The following ARHGEF28 variants were observed in gnomAD, a reference collection of about 807,000 sequenced individuals.
ARHGEF28 encodes the protein Rho guanine nucleotide exchange factor 28, also known as 190 kDa guanine nucleotide exchange factor.
A neutral mutation model predicts 206.6 loss-of-function variants in ARHGEF28; 152 were observed. That is an observed-to-expected ratio of 0.74 (90% CI 0.64 to 0.84). The LOEUF (loss-of-function observed/expected upper bound fraction) is 0.84, where lower values mean the gene tolerates loss of function less well. ARHGEF28 is among the 40% of genes least tolerant of loss of function. The pLI is 0.00. For synonymous variants in ARHGEF28, 763 were observed against 776.4 expected (o/e 0.98, Z 0.29); for missense variants, 2,028 against 2,073.2 (o/e 0.98, Z 0.42).
At chr5:73,752,870 A>G in intron 3 of ARHGEF28, 39 bp from the exon 4 acceptor site, 2 of 1,609,830 alleles carry the variant, frequency 1.2e-6, no homozygotes, top group Non-Finnish European at 1.7e-6. Flanking sequence ...AGCATCTCCT[A>G]CAGACTTGGG....
At chr5:73,737,947 G>C (rs939221166) in intron 2 of ARHGEF28, among the ~76,000 whole-genome samples, 11 of 152,144 alleles carry the variant, frequency 7.2e-5, no homozygotes, top group Non-Finnish European at 8.8e-5. Flanking sequence ...GCTATGACTG[G>C]GCTGGCCTTT....
At position 73,910,649 on chromosome 5, in the gene ARHGEF28, G is replaced by A. The variant is rs1250751583; in HGVS notation, c.4648-626G>A. Among the ~76,000 whole-genome samples the A allele has an allele frequency of 2.6e-5, 4 of 152,146 alleles. No homozygotes were observed. The East Asian group carries it at 7.7e-4, about 29-fold the overall frequency. ...CAATTAACTATGAATATATACTATA[G>A]GCACTGAATTTAGCAAGTATAGTAC... On this transcript the variant is annotated intron_variant, in intron 34 of 35. Coordinates refer to ENST00000513042, the MANE Select transcript of ARHGEF28 (RefSeq NM_001177693.2).
At chr5:73,874,405 T>C (rs1580019375) in intron 22 of ARHGEF28, among the ~76,000 whole-genome samples, 1 of 152,208 alleles carries the variant, frequency 6.6e-6, no homozygotes, top group South Asian at 2.1e-4. Flanking sequence ...TTTTTATTTA[T>C]TTTTATTTTT....
intron 2 of ARHGEF28, among the ~76,000 whole-genome samples, chr5:73,692,415 G>A (rs1369428858): frequency 6.6e-6 from 1 of 152,166 alleles, no homozygotes; most frequent in African/African-American, 2.4e-5. Context: ...GGCAGTGGGA[G>A]TTTTTTGCTT....
At chr5:73,724,361 A>C (rs936509380) in intron 2 of ARHGEF28, among the ~76,000 whole-genome samples, 3 of 152,226 alleles carry the variant, frequency 2.0e-5, no homozygotes, top group African/African-American at 7.2e-5. Flanking sequence ...TAATCTGGAC[A>C]TGAATAGAAT....
chr5:73,670,281 C>T (rs1746227915), intron 1 of ARHGEF28, among the ~76,000 whole-genome samples: 1 of 152,162 alleles, frequency 6.6e-6, no homozygotes, highest in African/African-American at 2.4e-5. Context: ...TATCGCTCAG[C>T]ATAATTTCCT....
chr5:73,801,545 T>G (rs1755136490), intron 9 of ARHGEF28, among the ~76,000 whole-genome samples: 1 of 152,212 alleles, frequency 6.6e-6, no homozygotes, highest in Non-Finnish European at 1.5e-5. Context: ...CTGACCCTCT[T>G]GGCTGTTATT....
At chr5:73,780,536 A>T in intron 6 of ARHGEF28, 140 bp from the exon 7 acceptor site, 1 of 810,036 alleles carries the variant, frequency 1.2e-6, no homozygotes. Flanking sequence ...ATGTTCTCCC[A>T]GCGGCTTTCA....
At chr5:73,756,630 G>GTA (rs1337143868) in intron 4 of ARHGEF28, among the ~76,000 whole-genome samples, 2 of 152,170 alleles carry the variant, frequency 1.3e-5, no homozygotes. Flanking sequence ...TGTTATGTAT[G>GTA]TATGTAGGGG....
intron 13 of ARHGEF28, among the ~76,000 whole-genome samples, chr5:73,850,628 T>C (rs1437721831): frequency 2.0e-5 from 3 of 152,168 alleles, no homozygotes; most frequent in Non-Finnish European, 4.4e-5. Context: ...GTCCTTGATC[T>C]ATGAAGTCAG....
chr5:73,834,542 CTGTGTGTGTGTGTGTG>C (rs34258155), intron 10 of ARHGEF28, among the ~76,000 whole-genome samples: 1 of 146,214 alleles, frequency 6.8e-6, no homozygotes, highest in Non-Finnish European at 1.5e-5. Context: ...AATAATATTC[CTGTGTGTGTGTGTGTG>C]TGTGTGTGTG....
chr5:73,845,119 G>A (rs923484940), intron 11 of ARHGEF28, among the ~76,000 whole-genome samples: 14 of 146,548 alleles, frequency 9.6e-5, no homozygotes, highest in Non-Finnish European at 1.3e-4. Flanking sequence ...CTGGGTTCAC[G>A]CCATTTTCCT....
intron 35 of ARHGEF28, among the ~76,000 whole-genome samples, chr5:73,931,363 A>G (rs1764105042): frequency 6.6e-6 from 1 of 151,550 alleles, no homozygotes; most frequent in Non-Finnish European, 1.5e-5. Flanking sequence ...TATTTATTAG[A>G]CTCTTTCACT....
chr5:73,638,994 G>C (rs1561301482), intron 1 of ARHGEF28, among the ~76,000 whole-genome samples: 1 of 151,952 alleles, frequency 6.6e-6, no homozygotes, highest in Non-Finnish European at 1.5e-5. Flanking sequence ...CTTGTAGCTA[G>C]TGTTTGTATG....
intron 20 of ARHGEF28, among the ~76,000 whole-genome samples, chr5:73,869,409 G>T (rs779124215): frequency 3.3e-5 from 5 of 152,150 alleles, no homozygotes; most frequent in Non-Finnish European, 5.9e-5. Context: ...CGGGGCAGAA[G>T]AAATTGGTGT....
intron 1 of ARHGEF28, among the ~76,000 whole-genome samples, chr5:73,649,205 G>A (rs1240605527): frequency 6.6e-6 from 1 of 152,134 alleles, no homozygotes. Context: ...TTGGCTTTTT[G>A]AACATTAGAT....
intron 9 of ARHGEF28, among the ~76,000 whole-genome samples, chr5:73,805,712 C>T (rs927491793): frequency 9.9e-5 from 15 of 152,184 alleles, no homozygotes; most frequent in Admixed American, 8.5e-4. Context: ...AGCATGCACT[C>T]ATGTTCAGTT....
intron 2 of ARHGEF28, among the ~76,000 whole-genome samples, chr5:73,702,491 A>G (rs1748662575): frequency 6.6e-6 from 1 of 152,048 alleles, no homozygotes. Context: ...GAATTTTATT[A>G]CTCTAGGAAC....
chr5:73,888,138 CA>C (rs1365381972), intron 26 of ARHGEF28, among the ~76,000 whole-genome samples: 1 of 152,208 alleles, frequency 6.6e-6, no homozygotes, highest in Non-Finnish European at 1.5e-5. Context: ...TCTCCATGCC[CA>C]TTGGCCCTGC....
Sources: allele counts gnomAD v4.1 joint callset (sites outside exome capture counted in the v4.1 genomes callset), GRCh38; gene constraint gnomAD v4.1.1; transcripts MANE v1.5; gene names NCBI Gene and HGNC (gene_info 2026-07-23, HGNC 2026-07-21).